Variants in DEPDC1B observed in about 807,000 individuals in gnomAD.
DEPDC1B encodes DEP domain-containing protein 1B.
DEPDC1B carries 51 observed loss-of-function variants against 66.5 expected under a neutral mutation model. The observed-to-expected ratio is 0.77, with a 90% CI of 0.61 to 0.97. The LOEUF (loss-of-function observed/expected upper bound fraction) is 0.97. DEPDC1B is among the 50% of genes least tolerant of loss of function. DEPDC1B has a pLI of 0.00. For missense variants in DEPDC1B, 552 were observed against 637.1 expected (o/e 0.87, Z 1.44); for synonymous variants, 226 against 223.6 (o/e 1.01, Z -0.10).
chr5:60,622,202 C>T (rs1481098969), intron 7 of DEPDC1B, among the ~76,000 whole-genome samples: 1 of 152,120 alleles, frequency 6.6e-6, no homozygotes, highest in Non-Finnish European at 1.5e-5. Context: ...TCCGCCCCCC[C>T]AAAGAATCTA....
chr5:60,645,704 T>C (rs1753300566), intron 3 of DEPDC1B, 85 bp from the exon 4 acceptor site: 1 of 1,366,356 alleles, frequency 7.3e-7, no homozygotes, highest in Non-Finnish European at 9.8e-7. Context: ...GGTGGTGGGA[T>C]TTTTATGAGA....
At chr5:60,693,854 G>A (rs1390418238) in intron 1 of DEPDC1B, among the ~76,000 whole-genome samples, 1 of 151,986 alleles carries the variant, frequency 6.6e-6, no homozygotes, top group Admixed American at 6.6e-5. Context: ...AATCAAGTAT[G>A]TAGGGCCGGG....
chr5:60,647,454 T>G lies in DEPDC1B; in HGVS notation c.394A>C (p.Asn132His), dbSNP rs549736264. The change falls in exon 3 of 11, where the codon AAT becomes CAT. Residue 132 changes from asparagine (N) to histidine (H), a missense_variant. Asn to His is a moderately conservative substitution (Grantham distance 68, BLOSUM62 1). Coordinates refer to ENST00000265036, the MANE Select transcript of DEPDC1B (RefSeq NM_018369.3). ...TGTGAAGTGCCTGGTGGGAGATCAT[T>G]CCATTCTGGAAATTTAATAACATCC... ...QKDVIKFPEW[N>H]DLPPGTSQEN... The G allele has an allele frequency of 9.9e-5, 160 of 1,613,004 alleles. No individual in the cohort carries two copies. The highest frequency in any genetic ancestry group is 1.3e-4 in the Non-Finnish European group (155 of 1,179,656).
chr5:60,691,613 A>C (rs1754546935), intron 1 of DEPDC1B, among the ~76,000 whole-genome samples: 1 of 152,318 alleles, frequency 6.6e-6, no homozygotes, highest in Middle Eastern at 3.4e-3. Context: ...ACAAAACAAA[A>C]AAAATCAATA....
chr5:60,644,987 C>T, intron 4 of DEPDC1B, 112 bp from the exon 5 acceptor site: 1 of 779,526 alleles, frequency 1.3e-6, no homozygotes. Context: ...ATGCATTGCA[C>T]CCAATCTTTG....
At chr5:60,638,290 ATATT>A (rs1753106328) in intron 7 of DEPDC1B, among the ~76,000 whole-genome samples, 1 of 152,186 alleles carries the variant, frequency 6.6e-6, no homozygotes, top group Non-Finnish European at 1.5e-5. Context: ...TAAAGTCACT[ATATT>A]TATTTCATGT....
intron 1 of DEPDC1B, among the ~76,000 whole-genome samples, chr5:60,691,041 T>A (rs1287430560): frequency 6.2e-5 from 9 of 145,966 alleles, no homozygotes; most frequent in African/African-American, 2.3e-4. Flanking sequence ...TTAATCGATC[T>A]TTCACTTTTT....
intron 3 of DEPDC1B, 141 bp from the exon 4 acceptor site, chr5:60,645,760 T>A: frequency 1.1e-6 from 1 of 874,982 alleles, no homozygotes; most frequent in Non-Finnish European, 1.6e-6. Flanking sequence ...AAATAATAAT[T>A]AGAAATATAA....
chr5:60,681,482 T>C (rs75700200), intron 2 of DEPDC1B, among the ~76,000 whole-genome samples: 3,154 of 152,226 alleles, frequency 0.021, 58 homozygotes, highest in Non-Finnish European at 0.031. Context: ...GCCAACACTA[T>C]AGATAGATCT....
rs953902328 is a variant in DEPDC1B, at chr5:60,647,549, A to T, written c.315-16T>A. Reference sequence around the variant, plus strand: ...AGGAGGAAATCTAAAACCCAAGAAGAAATTCTCTATTACTGCAGTCAGTGG... The same window carrying T: ...AGGAGGAAATCTAAAACCCAAGAAGTAATTCTCTATTACTGCAGTCAGTGG... On this transcript the variant is annotated splice_polypyrimidine_tract_variant and intron_variant, in intron 2 of 10. Transcript: ENST00000265036. 1 of 1,610,678 alleles carries T rather than the reference A, an allele frequency of 6.2e-7. No homozygotes were observed. Among genetic ancestry groups the T allele is most frequent in the African/African-American group, 1.3e-5 (1 of 74,676 alleles).
In DEPDC1B at chr5:60,700,123, G is replaced by T. The variant is rs747164607; in HGVS notation, c.-30C>A. On this transcript the variant is annotated 5_prime_UTR_variant, in exon 1 of 11. Coordinates refer to ENST00000265036, the MANE Select transcript of DEPDC1B (RefSeq NM_018369.3). ...CGTAGGCAGCAGCGGCCGCAGCCGC[G>T]CCAGCGCTGATCCCCGCCAGCCGGA... 2 of 1,537,838 alleles carry T rather than the reference G, an allele frequency of 1.3e-6. No homozygotes were observed. The highest frequency in any genetic ancestry group is 2.4e-5 in the South Asian group (2 of 83,462).
intron 9 of DEPDC1B, 138 bp from the exon 10 acceptor site, chr5:60,599,398 C>A (rs1334476988): frequency 2.0e-6 from 1 of 511,494 alleles, no homozygotes; most frequent in Non-Finnish European, 3.1e-6. Flanking sequence ...TTGGGGGAAA[C>A]TCTATATTGA....
intron 9 of DEPDC1B, among the ~76,000 whole-genome samples, chr5:60,602,580 T>C (rs868473198): frequency 6.6e-6 from 1 of 152,134 alleles, no homozygotes; most frequent in South Asian, 2.1e-4. Flanking sequence ...CAGGCTGACA[T>C]ACAAACCCCA....
At chr5:60,609,464 A>G (rs544722313) in intron 7 of DEPDC1B, among the ~76,000 whole-genome samples, 7 of 152,214 alleles carry the variant, frequency 4.6e-5, no homozygotes, top group Non-Finnish European at 8.8e-5. Context: ...AGCCACTATC[A>G]GTATCTTTAA....
At chr5:60,622,752 G>A (rs1191125320) in intron 7 of DEPDC1B, among the ~76,000 whole-genome samples, 1 of 152,168 alleles carries the variant, frequency 6.6e-6, no homozygotes, top group Admixed American at 6.5e-5. Flanking sequence ...GTATCTCATT[G>A]TGGTTTTAAT....
intron 8 of DEPDC1B, among the ~76,000 whole-genome samples, chr5:60,605,442 T>G (rs1489512445): frequency 6.6e-6 from 1 of 152,210 alleles, no homozygotes; most frequent in East Asian, 1.9e-4. Context: ...AAATTTAAAA[T>G]AATTTTAAGT....
intron 2 of DEPDC1B, among the ~76,000 whole-genome samples, chr5:60,656,922 T>C (rs898637412): frequency 1.3e-5 from 2 of 152,198 alleles, no homozygotes; most frequent in Non-Finnish European, 2.9e-5. Flanking sequence ...TTGCTGTCTA[T>C]CTCATTTCTT....
At chr5:60,653,594 C>G (rs1331685159) in intron 2 of DEPDC1B, among the ~76,000 whole-genome samples, 1 of 152,074 alleles carries the variant, frequency 6.6e-6, no homozygotes, top group Non-Finnish European at 1.5e-5. Context: ...TATGCAGAAG[C>G]TTTTTAGTTT....
At chr5:60,679,899 T>C (rs1177629309) in intron 2 of DEPDC1B, among the ~76,000 whole-genome samples, 1 of 152,238 alleles carries the variant, frequency 6.6e-6, no homozygotes, top group African/African-American at 2.4e-5. Flanking sequence ...CATACACAGA[T>C]GGGCAGAAGC....
Sources: allele counts gnomAD v4.1 joint callset (sites outside exome capture counted in the v4.1 genomes callset), GRCh38; gene constraint gnomAD v4.1.1; transcripts MANE v1.5; gene names NCBI Gene and HGNC (gene_info 2026-07-23, HGNC 2026-07-21).